The following KIF7 variants were observed in gnomAD, a reference collection of about 807,000 sequenced individuals.
KIF7 encodes the protein kinesin family member 7, also known as kinesin-like protein KIF7.
Under a neutral mutation model 135.7 loss-of-function variants are expected in KIF7, and 104 were observed. The observed-to-expected ratio is 0.77, with a 90% CI of 0.65 to 0.90. The LOEUF (loss-of-function observed/expected upper bound fraction) is 0.90, where lower values mean the gene tolerates loss of function less well. Among genes scored for constraint, KIF7 ranks in the 40% least tolerant of loss-of-function variants. The pLI is 0.00. For synonymous variants in KIF7, 883 were observed against 809.4 expected (o/e 1.09, Z -1.54); for missense variants, 2,005 against 1,839.1 (o/e 1.09, Z -1.65).
downstream of KIF7, chr15:89,625,039 A>T: frequency 6.2e-7 from 1 of 1,614,014 alleles, no homozygotes; most frequent in Non-Finnish European, 8.5e-7. Context: ...TCGAATTAAG[A>T]AGATAGACCC....
downstream of KIF7, among the ~76,000 whole-genome samples, chr15:89,626,376 C>G (rs368692234): frequency 1.3e-5 from 2 of 152,202 alleles, no homozygotes; most frequent in Non-Finnish European, 2.9e-5. Flanking sequence ...CTGAGCAGCA[C>G]GAGTGATAGG....
chr15:89,634,275 G>C (rs540575907), intron 11 of KIF7, among the ~76,000 whole-genome samples: 1 of 152,272 alleles, frequency 6.6e-6, no homozygotes, highest in Admixed American at 6.5e-5. Context: ...CTCCAGCTTG[G>C]GCAACACAGC....
chr15:89,642,297 C>G lies in KIF7; in HGVS notation c.2300G>C (p.Arg767Pro). ...CTGGAGCTCCTTGCCCTCGAGCTCC[C>G]GCAGCTGCCTCTGGCCTTCACTCAG... is the stretch of plus-strand genomic sequence containing the variant. ...AELSEGQRQL[R>P]ELEGKELQDA... The change falls in exon 11 of 19, where the codon CGG becomes CCG. Residue 767 changes from arginine (R) to proline (P), a missense_variant. Transcript: ENST00000394412. The G allele has an allele frequency of 1.2e-6, 2 of 1,610,198 alleles. No homozygotes were observed. The highest frequency in any genetic ancestry group is 1.7e-6 in the Non-Finnish European group (2 of 1,179,510).
In KIF7 at chr15:89,633,749, G is replaced by T. The variant is rs199783943; in HGVS notation, c.2529C>A (p.Arg843=). Residue 843 remains arginine (R), a synonymous_variant, in exon 12 of 19, where the codon CGC becomes CGA. Transcript: ENST00000394412. ...GGCGCCGCTTCTGCTCCGTCTCCTC[G>T]CGAAGCCGCCTCTGCAGCTGTCCCT... is the stretch of plus-strand genomic sequence containing the variant. ...QQQGQLQRRL[R]EETEQKRRLE... 2.5e-6 allele frequency: 4 copies of T among 1,609,606 alleles called. No individual in the cohort carries two copies. The highest frequency in any genetic ancestry group is 3.4e-6 in the Non-Finnish European group (4 of 1,179,872).
intron 16 of KIF7, 78 bp downstream of exon 16, chr15:89,630,209 G>A (rs1963641983): frequency 1.3e-5 from 18 of 1,352,856 alleles, no homozygotes; most frequent in Admixed American, 7.2e-5. Context: ...CGGGATATCC[G>A]CTGGAGCAGC....
chr15:89,630,710 A>T, intron 15 of KIF7: 1 of 604,026 alleles, frequency 1.7e-6, no homozygotes, highest in Non-Finnish European at 3.0e-6. Context: ...GGCCTGCTCA[A>T]CTGCAAGCCT....
chr15:89,646,830 C>T lies in KIF7; in HGVS notation c.1788G>A (p.Glu596=). Residue 596 remains glutamate (E), a splice_region_variant and synonymous_variant, in exon 7 of 19, where the codon GAG becomes GAA. Transcript: ENST00000394412. ...ACACCCAGCCTCACCCTCTTCTCAC[C>T]TCTCCCCTCTGCTCAGAGCCAACTT... is the stretch of plus-strand genomic sequence containing the variant. ...GDEVGSEQRG[E]QVTNGREAGA... The T allele has an allele frequency of 1.2e-6, 2 of 1,613,810 alleles. No individual in the cohort carries two copies. The highest frequency in any genetic ancestry group is 1.3e-5 in the African/African-American group (1 of 75,044).
At chr15:89,618,895 G>A (rs1307755806) in intron 1 of KIF7, among the ~76,000 whole-genome samples, 2 of 152,238 alleles carry the variant, frequency 1.3e-5, no homozygotes, top group Non-Finnish European at 1.5e-5. Context: ...GGAGTTCAAG[G>A]CTGCAGTGAG....
In KIF7 at chr15:89,645,321, T is replaced by C; in HGVS notation, c.2038+15A>G. The C allele has an allele frequency of 6.2e-7, 1 of 1,611,650 alleles. No individual in the cohort carries two copies. The highest frequency in any genetic ancestry group is 8.5e-7 in the Non-Finnish European group (1 of 1,177,816). ...CAGTGGGGAGGAGGCCCTCTCTGCA[T>C]CCCACCCAGCTTACCTCTGGACCCT... On this transcript the variant is annotated intron_variant, in intron 9 of 18. Coordinates refer to ENST00000394412, the MANE Select transcript of KIF7 (RefSeq NM_198525.3).
intron 2 of KIF7, 119 bp downstream of exon 2, chr15:89,652,482 ACT>A: frequency 1.3e-6 from 1 of 799,912 alleles, no homozygotes; most frequent in South Asian, 2.0e-5. Flanking sequence ...TAGGAAATCG[ACT>A]CTTCCTCCCC....
intron 2 of KIF7, among the ~76,000 whole-genome samples, chr15:89,650,741 AT>A (rs571120084): frequency 2.0e-3 from 290 of 143,988 alleles, no homozygotes; most frequent in South Asian, 7.5e-3. Context: ...AAAAAGTTAG[AT>A]TTTTTTTTTT....
intron 15 of KIF7, 22 bp from the exon 16 acceptor site, chr15:89,630,515 G>C: frequency 5.2e-6 from 8 of 1,532,178 alleles, no homozygotes; most frequent in Non-Finnish European, 8.8e-7. Context: ...GGCACGCGTG[G>C]AGGAACAGCA....
intron 7 of KIF7, 107 bp from the exon 8 acceptor site, chr15:89,646,133 T>A (rs1964009115): frequency 7.0e-7 from 1 of 1,427,900 alleles, no homozygotes; most frequent in African/African-American, 1.4e-5. Context: ...CTTACCTTCG[T>A]GATCCAGCTC....
intron 1 of KIF7, among the ~76,000 whole-genome samples, chr15:89,654,760 C>A (rs768484502): frequency 3.3e-5 from 5 of 152,232 alleles, no homozygotes; most frequent in Non-Finnish European, 7.3e-5. Flanking sequence ...CTCCTCCTAC[C>A]GCGTTCCTCA....
At chr15:89,621,283 A>C (rs1443363849) in intron 1 of KIF7, 2 of 1,131,040 alleles carry the variant, frequency 1.8e-6, no homozygotes, top group Admixed American at 2.5e-5. Context: ...GGCCTCCCAA[A>C]GTGCTGGGAT....
chr15:89,647,933 T>A (rs971524968), intron 5 of KIF7, among the ~76,000 whole-genome samples: 1 of 152,208 alleles, frequency 6.6e-6, no homozygotes, highest in African/African-American at 2.4e-5. Context: ...CGTATTTGTA[T>A]TAATAATATC....
At chr15:89,642,442 G>A (rs1253724927) in intron 10 of KIF7, 37 bp from the exon 11 acceptor site, 3 of 1,513,080 alleles carry the variant, frequency 2.0e-6, no homozygotes, top group South Asian at 2.4e-5. Context: ...AGGCAGCCCT[G>A]CTCCACCGAG....
intron 6 of KIF7, 91 bp from the exon 7 acceptor site, chr15:89,647,148 C>T: frequency 3.6e-6 from 4 of 1,111,546 alleles, no homozygotes; most frequent in South Asian, 2.6e-5. Context: ...GGCCACTCCA[C>T]CGTCTCTGGG....
chr15:89,630,491 C>T lies in KIF7; in HGVS notation c.3114G>A (p.Glu1038=). The T allele has an allele frequency of 2.0e-6, 3 of 1,515,770 alleles. No individual in the cohort carries two copies. The highest frequency in any genetic ancestry group is 2.7e-6 in the Non-Finnish European group (3 of 1,131,780). The allele number at this position is 1,515,770 out of a possible 1,614,324, so 93.9% of individuals were successfully genotyped here. The change falls in exon 16 of 19, where the codon GAG becomes GAA. Residue 1038 remains glutamate (E), a splice_region_variant and synonymous_variant. Transcript: ENST00000394412. ...LRQGSLLSPE[E]ERTLFQLDEA... ...CATCCAACTGGAACAGCGTCCGCTC[C>T]TCCTGCAGAGACGGGCACGCGTGGA...
Sources: gnomAD v4.1 joint callset for allele counts (sites outside exome capture counted in the v4.1 genomes callset) on GRCh38, gnomAD v4.1.1 for gene constraint, MANE v1.5 for transcripts, NCBI Gene and HGNC (gene_info 2026-07-23, HGNC 2026-07-21) for gene names.